Variants in OPCML observed in about 807,000 individuals in gnomAD.
OPCML encodes the protein opioid-binding protein/cell adhesion molecule.
Under a neutral mutation model 37.8 loss-of-function variants are expected in OPCML, and 13 were observed. The ratio of observed to expected loss-of-function variants is 0.34; its 90% CI spans 0.22 to 0.55. The LOEUF is 0.55. OPCML is among the 20% of genes least tolerant of loss of function. OPCML has a pLI of 0.91. For synonymous variants in OPCML, 176 were observed against 168.8 expected, an observed-to-expected ratio of 1.04 and a Z score of -0.33; for missense variants, 341 against 435.6, an observed-to-expected ratio of 0.78 and a Z score of 1.93.
chr11:132,808,308 T>C (rs1939134347), intron 2 of OPCML, among the ~76,000 whole-genome samples: 1 of 152,206 alleles, frequency 6.6e-6, no homozygotes, highest in Non-Finnish European at 1.5e-5. Context: ...TGGTCTGTCT[T>C]GATGCGCAGT....
At chr11:133,149,963 C>G (rs575444790) in intron 1 of OPCML, among the ~76,000 whole-genome samples, 1 of 152,216 alleles carries the variant, frequency 6.6e-6, no homozygotes, top group Non-Finnish European at 1.5e-5. Context: ...GGAGGGGAAG[C>G]GTCTGGTGCT....
At chr11:133,377,598 C>T (rs1446997160) in intron 1 of OPCML, among the ~76,000 whole-genome samples, 1 of 44,140 alleles carries the variant, frequency 2.3e-5, no homozygotes, top group Non-Finnish European at 4.0e-5. Context: ...CTCTCTCTGA[C>T]GTGCCAGTAT....
chr11:133,012,076 A>G (rs1436889542), intron 1 of OPCML, among the ~76,000 whole-genome samples: 1 of 152,146 alleles, frequency 6.6e-6, no homozygotes, highest in African/African-American at 2.4e-5. Context: ...ACTGGGGACA[A>G]TTTTACTTAA....
intron 1 of OPCML, among the ~76,000 whole-genome samples, chr11:133,120,402 G>A (rs188495642): frequency 1.8e-4 from 27 of 152,294 alleles, no homozygotes; most frequent in African/African-American, 6.5e-4. Flanking sequence ...TGCCCTCATG[G>A]AGTTTAAAAT....
intron 3 of OPCML, among the ~76,000 whole-genome samples, chr11:132,606,508 ACAGT>A (rs1294323111): frequency 2.6e-5 from 4 of 152,150 alleles, no homozygotes; most frequent in African/African-American, 9.7e-5. Context: ...GAAAAGGCAC[ACAGT>A]CAGAGGGCTT....
chr11:132,705,808 G>A (rs145076517), intron 2 of OPCML, among the ~76,000 whole-genome samples: 1 of 151,838 alleles, frequency 6.6e-6, no homozygotes, highest in Non-Finnish European at 1.5e-5. Context: ...ACCCAGTCTC[G>A]GGTATTTCTT....
At chr11:133,401,956 T>C (rs1320611397) in intron 1 of OPCML, among the ~76,000 whole-genome samples, 1 of 152,188 alleles carries the variant, frequency 6.6e-6, no homozygotes, top group African/African-American at 2.4e-5. Context: ...TAGTGCTGAT[T>C]GTCAATCTTG....
intron 1 of OPCML, among the ~76,000 whole-genome samples, chr11:133,134,785 T>C (rs897797579): frequency 1.3e-5 from 2 of 152,076 alleles, no homozygotes; most frequent in African/African-American, 4.8e-5. Flanking sequence ...CCCAAAGTCA[T>C]TCATGCCAGG....
intron 3 of OPCML, among the ~76,000 whole-genome samples, chr11:132,553,304 G>A (rs1301889547): frequency 2.0e-5 from 3 of 152,216 alleles, no homozygotes; most frequent in Admixed American, 2.0e-4. Context: ...GGTGGACTTA[G>A]AATCATGTAG....
chr11:132,738,144 G>T (rs956755953), intron 2 of OPCML, among the ~76,000 whole-genome samples: 1 of 152,166 alleles, frequency 6.6e-6, no homozygotes, highest in Non-Finnish European at 1.5e-5. Flanking sequence ...TGCTATTCTC[G>T]CTTTAGAGAA....
chr11:132,488,055 T>C (rs1387347905), intron 4 of OPCML, among the ~76,000 whole-genome samples: 3 of 152,212 alleles, frequency 2.0e-5, no homozygotes, highest in Admixed American at 6.5e-5. Flanking sequence ...TGTGCCTCTT[T>C]GCATTTGATG....
At chr11:132,950,594 G>A (rs1339627149) in intron 1 of OPCML, among the ~76,000 whole-genome samples, 1 of 152,178 alleles carries the variant, frequency 6.6e-6, no homozygotes, top group African/African-American at 2.4e-5. Flanking sequence ...AGGACTGAGG[G>A]TGATGCTACT....
intron 1 of OPCML, among the ~76,000 whole-genome samples, chr11:133,031,047 C>T (rs1157158337): frequency 6.6e-6 from 1 of 152,204 alleles, no homozygotes; most frequent in Non-Finnish European, 1.5e-5. Context: ...AAAAAGGTAT[C>T]ACAACCTAGC....
intron 2 of OPCML, among the ~76,000 whole-genome samples, chr11:132,892,931 G>T (rs913622022): frequency 2.0e-5 from 3 of 152,000 alleles, no homozygotes; most frequent in Non-Finnish European, 4.4e-5. Flanking sequence ...CAAAACAAAG[G>T]CCCTTCCTAT....
intron 1 of OPCML, among the ~76,000 whole-genome samples, chr11:133,018,102 G>A (rs142814831): frequency 1.2e-3 from 176 of 152,256 alleles, no homozygotes; most frequent in African/African-American, 3.7e-3. Flanking sequence ...CTGTGAGACT[G>A]TGTTCCTGCC....
At chr11:133,303,422 T>C (rs1314966161) in intron 1 of OPCML, among the ~76,000 whole-genome samples, 1 of 152,220 alleles carries the variant, frequency 6.6e-6, no homozygotes, top group Non-Finnish European at 1.5e-5. Context: ...CACAACAGAA[T>C]GCAAATGGTA....
chr11:132,504,361 C>T (rs2096251926), intron 4 of OPCML, among the ~76,000 whole-genome samples: 1 of 152,166 alleles, frequency 6.6e-6, no homozygotes, highest in African/African-American at 2.4e-5. Flanking sequence ...TGGACGCATT[C>T]GCTATTTACT....
chr11:133,192,633 G>A (rs1938369771), intron 1 of OPCML, among the ~76,000 whole-genome samples: 1 of 152,190 alleles, frequency 6.6e-6, no homozygotes, highest in Non-Finnish European at 1.5e-5. Flanking sequence ...CATATTGGCT[G>A]TTTAATTGCG....
intron 1 of OPCML, among the ~76,000 whole-genome samples, chr11:133,309,571 G>A (rs1375796449): frequency 6.6e-6 from 1 of 152,174 alleles, no homozygotes; most frequent in Admixed American, 6.5e-5. Context: ...ACTGAACATG[G>A]CATTTATGGG....
Sources: gnomAD v4.1 joint callset for allele counts (sites outside exome capture counted in the v4.1 genomes callset) on GRCh38, gnomAD v4.1.1 for gene constraint, MANE v1.5 for transcripts, NCBI Gene and HGNC (gene_info 2026-07-23, HGNC 2026-07-21) for gene names.